TMEM170A: variants seen among roughly 807,000 people sequenced by gnomAD.
TMEM170A encodes the protein transmembrane protein 170.
In TMEM170A, 18 loss-of-function variants were observed where a neutral mutation model predicts 12.8. That is an observed-to-expected ratio of 1.41 (90% confidence interval 0.97 to 2.09). TMEM170A has a LOEUF of 2.09. Among genes scored for constraint, TMEM170A ranks in the 30% most tolerant of loss-of-function variants. The probability of loss-of-function intolerance (pLI) is 0.00; values close to 1 mark genes in which losing one functional copy is unlikely to be tolerated. For synonymous variants in TMEM170A, 107 were observed against 76.2 expected (o/e 1.40, Z -2.11); for missense variants, 220 against 179.9 (o/e 1.22, Z -1.28).
chr16:75,461,498 G>C (rs2079908417), intron 1 of TMEM170A, among the ~76,000 whole-genome samples: 1 of 152,206 alleles, frequency 6.6e-6, no homozygotes, highest in Non-Finnish European at 1.5e-5. Context: ...CTGCCATAAT[G>C]AGTTGGCATA....
At chr16:75,463,547 C>T (rs564375114) in intron 1 of TMEM170A, among the ~76,000 whole-genome samples, 5 of 152,318 alleles carry the variant, frequency 3.3e-5, no homozygotes, top group Admixed American at 3.3e-4. Context: ...TTGTTTGGAA[C>T]TAGAGTCTGG....
intron 2 of TMEM170A, among the ~76,000 whole-genome samples, chr16:75,447,953 TG>T (rs2079617061): frequency 6.6e-6 from 1 of 152,176 alleles, no homozygotes; most frequent in African/African-American, 2.4e-5. Context: ...TAAAATAATC[TG>T]GAAGAAATAA....
At chr16:75,448,819 T>G (rs1445161434) in intron 2 of TMEM170A, among the ~76,000 whole-genome samples, 2 of 151,656 alleles carry the variant, frequency 1.3e-5, no homozygotes, top group African/African-American at 4.9e-5. Flanking sequence ...CCCATCATTT[T>G]GGAAGGCCGA....
chr16:75,447,800 T>G, intron 2 of TMEM170A, 112 bp from the exon 3 acceptor site: 2 of 1,230,562 alleles, frequency 1.6e-6, no homozygotes, highest in South Asian at 1.6e-5. Flanking sequence ...GATTTTATAC[T>G]GAAATTTAAA....
At chr16:75,448,481 G>A (rs1832583311) in intron 2 of TMEM170A, among the ~76,000 whole-genome samples, 1 of 152,106 alleles carries the variant, frequency 6.6e-6, no homozygotes, top group Admixed American at 6.6e-5. Context: ...GAATAGATCC[G>A]GCCGGGCACG....
At chr16:75,464,100 G>C (rs2079954182) in intron 1 of TMEM170A, 2 of 1,032,254 alleles carry the variant, frequency 1.9e-6, no homozygotes, top group Admixed American at 4.8e-5. Context: ...GGGCGCCGTG[G>C]GGCAACCCAG....
intron 1 of TMEM170A, among the ~76,000 whole-genome samples, chr16:75,459,480 T>G (rs1318804454): frequency 1.3e-5 from 2 of 152,216 alleles, no homozygotes; most frequent in African/African-American, 4.8e-5. Context: ...TGTGTTTCAG[T>G]GAACAACTGG....
chr16:75,456,819 A>G (rs778366086), intron 1 of TMEM170A, among the ~76,000 whole-genome samples: 1 of 152,174 alleles, frequency 6.6e-6, no homozygotes, highest in Non-Finnish European at 1.5e-5. Flanking sequence ...ATCAGTCAAG[A>G]GTGGCCTGGC....
intron 1 of TMEM170A, among the ~76,000 whole-genome samples, chr16:75,453,299 T>C (rs535208520): frequency 4.6e-5 from 7 of 152,210 alleles, no homozygotes; most frequent in African/African-American, 9.6e-5. Context: ...CCTGGCATGG[T>C]ATTGCATACC....
At chr16:75,455,363 A>AAAAG (rs1469714675) in intron 1 of TMEM170A, among the ~76,000 whole-genome samples, 1 of 151,754 alleles carries the variant, frequency 6.6e-6, no homozygotes, top group Non-Finnish European at 1.5e-5. Flanking sequence ...TCTCAAAAAA[A>AAAAG]AAAAAAAAAA....
Position 75,447,530 on chromosome 16 carries a change from G to C in TMEM170A, c.*28C>G. The stretch of plus-strand genomic sequence containing the variant: ...TTTTGGAGGATTCCATAAAGTTTAA[G>C]TTCAACATCTCAGCATAAGGATGTA... On this transcript the variant is annotated 3_prime_UTR_variant, in exon 3 of 3. Coordinates refer to ENST00000561878, the MANE Select transcript of TMEM170A (RefSeq NM_145254.3). 1 of 1,582,648 alleles carries C rather than the reference G, an allele frequency of 6.3e-7. No homozygotes were observed. The highest frequency in any genetic ancestry group is 1.2e-5 in the South Asian group (1 of 86,168).
intron 1 of TMEM170A, among the ~76,000 whole-genome samples, chr16:75,452,968 T>C (rs2079716110): frequency 6.6e-6 from 1 of 152,174 alleles, no homozygotes; most frequent in Non-Finnish European, 1.5e-5. Flanking sequence ...AAGTATTGTT[T>C]ATGGCTGCCT....
intron 2 of TMEM170A, chr16:75,451,320 T>A: frequency 2.9e-6 from 1 of 347,616 alleles, no homozygotes; most frequent in Non-Finnish European, 5.2e-6. Flanking sequence ...GAGGCCAAGG[T>A]GGGCAGATTG....
chr16:75,456,415 G>A (rs1002758668), intron 1 of TMEM170A, among the ~76,000 whole-genome samples: 4 of 152,086 alleles, frequency 2.6e-5, no homozygotes, highest in Non-Finnish European at 5.9e-5. Flanking sequence ...CGGCGAAACC[G>A]TCTCGACCAA....
chr16:75,461,204 C>T (rs2079900789), intron 1 of TMEM170A, among the ~76,000 whole-genome samples: 1 of 151,534 alleles, frequency 6.6e-6, no homozygotes. Flanking sequence ...CAGGCATGCA[C>T]CACCACGCCC....
At chr16:75,458,233 T>C (rs2079834246) in intron 1 of TMEM170A, 1 of 152,236 alleles carries the variant, frequency 6.6e-6, no homozygotes, top group Non-Finnish European at 1.5e-5. Context: ...ATGGTGAAGG[T>C]AAATCAGGTA....
chr16:75,462,379 C>T (rs908973564), intron 1 of TMEM170A, among the ~76,000 whole-genome samples: 2 of 152,188 alleles, frequency 1.3e-5, no homozygotes, highest in Middle Eastern at 3.2e-3. Context: ...ACCACTACGC[C>T]TGACTTTTTA....
chr16:75,449,618 A>C (rs1469172085), intron 2 of TMEM170A, among the ~76,000 whole-genome samples: 1 of 152,190 alleles, frequency 6.6e-6, no homozygotes, highest in Non-Finnish European at 1.5e-5. Context: ...CATGCCTGGC[A>C]CATTTCACAA....
intron 1 of TMEM170A, among the ~76,000 whole-genome samples, chr16:75,456,813 G>C (rs2079807161): frequency 6.6e-6 from 1 of 152,196 alleles, no homozygotes. Flanking sequence ...CCCTGGATCA[G>C]TCAAGAGTGG....
Sources: gnomAD v4.1 joint callset for allele counts (sites outside exome capture counted in the v4.1 genomes callset) on GRCh38, gnomAD v4.1.1 for gene constraint, MANE v1.5 for transcripts, NCBI Gene and HGNC (gene_info 2026-07-23, HGNC 2026-07-21) for gene names.